Variants in AADAC observed in about 807,000 individuals in gnomAD.
The protein encoded by AADAC is arylacetamide deacetylase (esterase).
In AADAC, 17 loss-of-function variants were observed where a neutral mutation model predicts 22.7. The observed-to-expected ratio is 0.75, with a 90% confidence interval of 0.51 to 1.12. The LOEUF is 1.12. AADAC is among the 50% of genes most tolerant of loss of function. The pLI is 0.00. For synonymous variants in AADAC, 167 were observed against 176.3 expected (o/e 0.95, Z 0.42); for missense variants, 465 against 473.9 (o/e 0.98, Z 0.17).
chr3:151,818,406 T>C (rs779177425), intron 2 of AADAC, among the ~76,000 whole-genome samples: 1 of 151,996 alleles, frequency 6.6e-6, no homozygotes, highest in Non-Finnish European at 1.5e-5. Context: ...CTTAGACAAA[T>C]TAAATTTAAC....
chr3:151,826,943 G>A (rs1041306942), intron 4 of AADAC, among the ~76,000 whole-genome samples: 1 of 151,808 alleles, frequency 6.6e-6, no homozygotes, highest in African/African-American at 2.4e-5. Flanking sequence ...GAGACAGTGT[G>A]TCACTCTGTC....
Position 151,827,578 on chromosome 3 carries a change from C to A in AADAC, c.606C>A (p.Leu202=). ...GTGCAAATCATCTTGCTTCTCAGCTCCTTGATGACCCAGATGTCAAGATCA... is the reference window on the plus strand; with the variant it reads ...GTGCAAATCATCTTGCTTCTCAGCTACTTGATGACCCAGATGTCAAGATCA... ...GNLAAAVTQQ[L]LDDPDVKIKL... The change falls in exon 5 of 5, where the codon CTC becomes CTA. Residue 202 remains leucine, a splice_region_variant and synonymous_variant. Transcript: ENST00000232892. 1 of 1,539,268 alleles carries A rather than the reference C, an allele frequency of 6.5e-7. No homozygotes were observed. Among genetic ancestry groups the A allele is most frequent in the South Asian group, 1.3e-5 (1 of 79,456 alleles).
intron 3 of AADAC, 59 bp from the exon 4 acceptor site, chr3:151,824,604 A>G (rs1041113969): frequency 2.3e-6 from 3 of 1,305,806 alleles, no homozygotes; most frequent in African/African-American, 3.5e-5. Context: ...CACCAATAAT[A>G]TATTACAGTC....
In AADAC at chr3:151,824,618, T is replaced by A. The variant is rs925886265; in HGVS notation, c.432-45T>A. 9 of 1,131,150 alleles carry A rather than the reference T, an allele frequency of 8.0e-6. No individual in the cohort carries two copies. In the South Asian group the frequency reaches 1.4e-4, roughly 18 times the overall value. 70.1% of individuals were successfully genotyped at this position (1,131,150 alleles called of 1,614,324 possible). On this transcript the variant is annotated intron_variant, in intron 3 of 4. Transcript: ENST00000232892. ...GCACCAATAATATATTACAGTCTAA[T>A]CAAAACAAACAAAAAAATGTGTAAA...
Position 151,821,711 on chromosome 3 carries a change from C to T in AADAC, c.431+1259C>T, listed in dbSNP as rs190447688. On this transcript the variant is annotated intron_variant, in intron 3 of 4. Coordinates refer to ENST00000232892, the MANE Select transcript of AADAC (RefSeq NM_001086.3). ...GGCAAGTCAAATTATAGTATAAGAC[C>T]GACATCTGTGTTTAATTCATTGCAA... 7.6e-4 allele frequency among the ~76,000 whole-genome samples: 115 copies of T among 151,836 alleles called. 4 individuals carry two copies. Among genetic ancestry groups the T allele is most frequent in the Admixed American group, 6.7e-3 (102 of 15,246 alleles).
chr3:151,820,664 C>G (rs1273908542), intron 3 of AADAC, among the ~76,000 whole-genome samples: 1 of 136,482 alleles, frequency 7.3e-6, no homozygotes, highest in Non-Finnish European at 1.6e-5. Flanking sequence ...ATTACAGGCA[C>G]GAGTCACCAC....
Position 151,827,925 on chromosome 3 carries a change from G to A in AADAC, c.953G>A (p.Arg318Lys), listed in dbSNP as rs201316472. Residue 318 changes from arginine (R) to lysine (K), a missense_variant, in exon 5 of 5, where the codon AGG becomes AAG. Arg to Lys is a conservative substitution (Grantham distance 26). Coordinates refer to ENST00000232892, the MANE Select transcript of AADAC (RefSeq NM_001086.3). ...AAATATCCAGGGTTCCTAGATGTGA[G>A]GGCAGCCCCTTTGTTGGCTGATGAC... Reference protein sequence around the residue: ...AKKYPGFLDVRAAPLLADDNK... With the variant: ...AKKYPGFLDVKAAPLLADDNK... 6.2e-7 allele frequency: 1 copy of A among 1,611,186 alleles called. No homozygotes were observed. Among genetic ancestry groups the A allele is most frequent in the African/African-American group, 1.3e-5 (1 of 74,818 alleles).
chr3:151,824,285 G>A (rs1450352735), intron 3 of AADAC, among the ~76,000 whole-genome samples: 1 of 151,904 alleles, frequency 6.6e-6, no homozygotes, highest in Non-Finnish European at 1.5e-5. Flanking sequence ...ATGTGAATGA[G>A]GCTCAAAAAC....
intron 2 of AADAC, among the ~76,000 whole-genome samples, chr3:151,818,988 T>G (rs1357373946): frequency 6.6e-6 from 1 of 151,922 alleles, no homozygotes; most frequent in East Asian, 1.9e-4. Flanking sequence ...ACCTACTAAG[T>G]TAAGAACTCT....
At chr3:151,820,482 C>A in intron 3 of AADAC, 30 bp downstream of exon 3, 1 of 1,388,216 alleles carries the variant, frequency 7.2e-7, no homozygotes, top group Non-Finnish European at 9.7e-7. Flanking sequence ...GTTTCCTGGC[C>A]AGATGTCTGA....
rs927692297 is a variant in AADAC, at chr3:151,828,247, T to G, written c.*75T>G. 5 of 1,004,820 alleles carry G rather than the reference T, an allele frequency of 5.0e-6. No homozygotes were observed. Among genetic ancestry groups the G allele is most frequent in the South Asian group, 2.2e-5 (1 of 45,354 alleles). The allele number at this position is 1,004,820 out of a possible 1,614,324, so 62.2% of individuals were successfully genotyped here. ...GAAAATTTGCATTAGAAATTGGTCT[T>G]TCTTAGAATGGTCTAGTTAAGTTCC... is the stretch of plus-strand genomic sequence containing the variant. On this transcript the variant is annotated 3_prime_UTR_variant, in exon 5 of 5. Transcript: ENST00000232892.
At chr3:151,826,397 G>T (rs1244065449) in intron 4 of AADAC, among the ~76,000 whole-genome samples, 4 of 151,776 alleles carry the variant, frequency 2.6e-5, no homozygotes, top group African/African-American at 9.7e-5. Context: ...TTAAAGAGTT[G>T]TTTGAGAGTC....
At position 151,819,568 on chromosome 3, in the gene AADAC, T is replaced by G. The variant is rs1716146039; in HGVS notation, c.362-815T>G. Among the ~76,000 whole-genome samples, 2 of 152,008 alleles carry G rather than the reference T, an allele frequency of 1.3e-5. 1 individual carries two copies. Among genetic ancestry groups the G allele is most frequent in the African/African-American group, 4.8e-5 (2 of 41,426 alleles). ...GAGAGTTAAGTAGGAGAATTTTCTTTTATTTTTGTGCAGGAGAAATATAAA... is the reference window on the plus strand; with the variant it reads ...GAGAGTTAAGTAGGAGAATTTTCTTGTATTTTTGTGCAGGAGAAATATAAA... On this transcript the variant is annotated intron_variant, in intron 2 of 4. Coordinates refer to ENST00000232892, the MANE Select transcript of AADAC (RefSeq NM_001086.3).
At position 151,814,180 on chromosome 3, in the gene AADAC, G is replaced by GT. The variant is rs1231709424; in HGVS notation, c.19dup (p.Tyr7LeufsTer20). The GT allele has an allele frequency of 1.9e-6, 3 of 1,613,248 alleles. No individual in the cohort carries two copies. The highest frequency in any genetic ancestry group is 1.7e-6 in the Non-Finnish European group (2 of 1,179,564). ...CGTTCACCATGGGAAGAAAATCGCT[G>GT]TACCTTCTGATTGTGGGGATCCTCA... On this transcript the variant is annotated frameshift_variant, in exon 1 of 5. Transcript: ENST00000232892. LOFTEE classifies it high-confidence loss of function.
At chr3:151,827,372 T>C (rs1023754129) in intron 4 of AADAC, among the ~76,000 whole-genome samples, 1 of 152,130 alleles carries the variant, frequency 6.6e-6, no homozygotes, top group East Asian at 1.9e-4. Flanking sequence ...GTTGAAAATA[T>C]TGATGAACAT....
chr3:151,817,895 A>C (rs538740225), intron 2 of AADAC, among the ~76,000 whole-genome samples: 3 of 152,108 alleles, frequency 2.0e-5, no homozygotes, highest in Non-Finnish European at 2.9e-5. Context: ...TAATGTTTTC[A>C]TCCATTTACT....
chr3:151,824,719 C>T lies in AADAC; in HGVS notation c.488C>T (p.Ala163Val), dbSNP rs754536788. The T allele has an allele frequency of 4.4e-6, 7 of 1,607,062 alleles. No individual in the cohort carries two copies. Among genetic ancestry groups the T allele is most frequent in the Non-Finnish European group, 6.0e-6 (7 of 1,176,468 alleles). The change falls in exon 4 of 5, where the codon GCC becomes GTC. Residue 163 changes from alanine (A) to valine (V), a missense_variant. Coordinates refer to ENST00000232892, the MANE Select transcript of AADAC (RefSeq NM_001086.3). ...FPIQFEDVYNALRWFLRKKVL... is the reference protein window; with the variant it reads ...FPIQFEDVYNVLRWFLRKKVL... ...ATTCAATTTGAAGATGTATATAATG[C>T]CTTAAGGTGGTTCTTACGTAAAAAA...
chr3:151,824,943 G>T, intron 4 of AADAC, 109 bp downstream of exon 4: 1 of 840,480 alleles, frequency 1.2e-6, no homozygotes, highest in Non-Finnish European at 1.6e-6. Flanking sequence ...GCAAATAGGA[G>T]ATATTGATTT....
At chr3:151,820,258 C>T (rs1576642437) in intron 2 of AADAC, 125 bp from the exon 3 acceptor site, 3 of 536,000 alleles carry the variant, frequency 5.6e-6, no homozygotes, top group Non-Finnish European at 6.3e-6. Flanking sequence ...ATTTGTCTCT[C>T]GTATTTTAAG....
Sources: allele counts gnomAD v4.1 joint callset (sites outside exome capture counted in the v4.1 genomes callset), GRCh38; gene constraint gnomAD v4.1.1; transcripts MANE v1.5; gene names NCBI Gene and HGNC (gene_info 2026-07-23, HGNC 2026-07-21).